C14orf93: variants seen among roughly 807,000 people sequenced by gnomAD.
The protein encoded by C14orf93 is uncharacterized protein C14orf93.
A neutral mutation model predicts 44.0 loss-of-function variants in C14orf93; 23 were observed. That is an observed-to-expected ratio of 0.52 (90% CI 0.38 to 0.74). The LOEUF is 0.74. Among genes scored for constraint, C14orf93 ranks in the 30% least tolerant of loss-of-function variants. The probability of loss-of-function intolerance (pLI) is 0.00; values close to 1 mark genes in which losing one functional copy is unlikely to be tolerated. For missense variants in C14orf93, 579 were observed against 678.9 expected (o/e 0.85, Z 1.64); for synonymous variants, 253 against 265.7 (o/e 0.95, Z 0.46).
intron 4 of C14orf93, 31 bp downstream of exon 4, chr14:22,990,035 T>G (rs772971724): frequency 2.5e-6 from 4 of 1,588,154 alleles, no homozygotes; most frequent in Non-Finnish European, 3.5e-6. Flanking sequence ...GCAAAGTACC[T>G]TCTAATTCTT....
At chr14:22,990,587 A>C (rs2045546477) in intron 3 of C14orf93, among the ~76,000 whole-genome samples, 1 of 150,482 alleles carries the variant, frequency 6.6e-6, no homozygotes, top group Non-Finnish European at 1.5e-5. Context: ...CTCCCGCCTC[A>C]GCCTCTCGAG....
intron 1 of C14orf93, among the ~76,000 whole-genome samples, chr14:23,007,634 G>C (rs2046694834): frequency 6.6e-6 from 1 of 152,128 alleles, no homozygotes; most frequent in Non-Finnish European, 1.5e-5. Flanking sequence ...ATATATGTGC[G>C]AGGAATTCTC....
intron 1 of C14orf93, chr14:23,002,852 C>A (rs892815678): frequency 5.3e-5 from 8 of 152,116 alleles, no homozygotes; most frequent in Admixed American, 3.3e-4. Flanking sequence ...CACCTTGATT[C>A]CTGATTCCCT....
Position 22,996,245 on chromosome 14 carries a change from A to C in C14orf93, c.621T>G (p.Ser207=), listed in dbSNP as rs752766332. 2.6e-6 allele frequency: 4 copies of C among 1,565,970 alleles called. No individual in the cohort carries two copies. Among genetic ancestry groups the C allele is most frequent in the Admixed American group, 3.7e-5 (2 of 54,740 alleles). The stretch of plus-strand genomic sequence containing the variant: ...CCAGAACTCGCTGTACTGCACCCTC[A>C]GAGGCCACGTAATCATCCACCAGCT... ...LNPLVDDYVA[S]EGAVQRVLVP... is the part of the protein sequence containing the mutation. Residue 207 remains serine (S), a synonymous_variant, in exon 3 of 7, where the codon TCT becomes TCG. Transcript: ENST00000299088. This position sits in a 1 kb window ranked among gnomAD's most constrained non-coding sequence, Gnocchi z 4.1.
chr14:23,001,099 A>G (rs187282621), intron 1 of C14orf93: 1 of 152,236 alleles, frequency 6.6e-6, no homozygotes, highest in Non-Finnish European at 1.5e-5. Context: ...TTCTATGTCA[A>G]TTTATAGATG....
chr14:22,999,596 CAT>C (rs1433157963), intron 1 of C14orf93, among the ~76,000 whole-genome samples, 194 bp from the exon 2 acceptor site: 3 of 152,106 alleles, frequency 2.0e-5, no homozygotes, highest in Non-Finnish European at 4.4e-5. Flanking sequence ...AGAGAAGAGA[CAT>C]GTGGAGAAGT....
At position 22,990,146 on chromosome 14, in the gene C14orf93, A is replaced by T; in HGVS notation, c.919-19T>A. ...CCAGTTTCTAGGAGGAAAAAAAGAA[A>T]ACACAATCAAGCCAAGAGTGGATGT... On this transcript the variant is annotated intron_variant, in intron 3 of 6. Coordinates refer to ENST00000299088, the MANE Select transcript of C14orf93 (RefSeq NM_021944.4). 1 of 1,605,798 alleles carries T rather than the reference A, an allele frequency of 6.2e-7. No individual in the cohort carries two copies.
At position 23,003,787 on chromosome 14, in the gene C14orf93, C is replaced by T. The variant is rs188872046; in HGVS notation, c.-379-4385G>A. On this transcript the variant is annotated intron_variant, in intron 1 of 6. Transcript: ENST00000299088. ...TTGCACACCAGCCTGGGAGACAGGG[C>T]GAGACTCCGGCTCAGAAAAAAAGAA... Among the ~76,000 whole-genome samples the T allele has an allele frequency of 1.2e-3, 153 of 128,326 alleles. 2 individuals are homozygous for T. In the East Asian group the frequency reaches 0.028, roughly 24 times the overall value. 84.2% of individuals were successfully genotyped at this position (128,326 alleles called of 152,430 possible).
In C14orf93 at chr14:22,999,082, G is replaced by T. The variant is rs1231231851; in HGVS notation, c.-59C>A. ...GCTGGGCCGCTCCAACAGGTAGGAA[G>T]CATCAACTTCTCTGGACTCACTTTC... is the stretch of plus-strand genomic sequence containing the variant. On this transcript the variant is annotated 5_prime_UTR_variant, in exon 2 of 7. Coordinates refer to ENST00000299088, the MANE Select transcript of C14orf93 (RefSeq NM_021944.4). 5.2e-6 allele frequency: 8 copies of T among 1,536,156 alleles called. No homozygotes were observed. The South Asian group carries it at 1.0e-4, about 19-fold the overall frequency.
chr14:22,999,197 T>A lies in C14orf93; in HGVS notation c.-174A>T. On this transcript the variant is annotated 5_prime_UTR_variant, in exon 2 of 7. Transcript: ENST00000299088. The stretch of plus-strand genomic sequence containing the variant: ...AAACAAGCCATGAAGAAGCACACAG[T>A]CCATGGCGGCCTCTCCTCGGCCTGC... 2 of 1,031,764 alleles carry A rather than the reference T, an allele frequency of 1.9e-6. No individual in the cohort carries two copies. The highest frequency in any genetic ancestry group is 3.0e-5 in the Admixed American group (1 of 33,802). The allele number at this position is 1,031,764 out of a possible 1,614,324, so 63.9% of individuals were successfully genotyped here.
chr14:22,998,908 T>G lies in C14orf93; in HGVS notation c.116A>C (p.Asn39Thr). The change falls in exon 2 of 7, where the codon AAT becomes ACT. Residue 39 changes from asparagine to threonine, a missense_variant. Transcript: ENST00000299088. ...NGGNTGSQGG[N>T]PPPSTPITVT... ...TGTGATGGGGGTGCTGGGAGGAGGA[T>G]TCCCACCCTGGGAGCCTGTGTTGCC... 1.2e-6 allele frequency: 2 copies of G among 1,613,246 alleles called. No homozygotes were observed. The highest frequency in any genetic ancestry group is 1.7e-6 in the Non-Finnish European group (2 of 1,179,766).
At chr14:22,995,210 ACT>A (rs1271737159) in intron 3 of C14orf93, among the ~76,000 whole-genome samples, 7 of 152,040 alleles carry the variant, frequency 4.6e-5, no homozygotes, top group African/African-American at 9.7e-5. Context: ...AGGTCTAGTG[ACT>A]CTCTGCATCT....
chr14:22,992,228 G>A (rs2045684243), intron 3 of C14orf93, among the ~76,000 whole-genome samples: 1 of 152,060 alleles, frequency 6.6e-6, no homozygotes, highest in African/African-American at 2.4e-5. Context: ...TACTTTGGGA[G>A]GCCAAGGCGG....
Position 22,998,773 on chromosome 14 carries a change from C to A in C14orf93, c.251G>T (p.Arg84Met). The A allele has an allele frequency of 6.2e-7, 1 of 1,614,194 alleles. No individual in the cohort carries two copies. Among genetic ancestry groups the A allele is most frequent in the Admixed American group, 1.7e-5 (1 of 60,026 alleles). ...GLAEAALGLA[R>M]ANNELLKRLQ... Reference sequence around the variant, plus strand: ...ACGTTTTAACAACTCATTGTTGGCCCTGGCAAGACCCAGAGCAGCTTCAGC... The same window carrying A: ...ACGTTTTAACAACTCATTGTTGGCCATGGCAAGACCCAGAGCAGCTTCAGC... Residue 84 changes from arginine (R) to methionine (M), a missense_variant, in exon 2 of 7, where the codon AGG becomes ATG. Transcript: ENST00000299088.
chr14:23,004,613 T>C (rs1776530071), intron 1 of C14orf93, among the ~76,000 whole-genome samples: 1 of 152,144 alleles, frequency 6.6e-6, no homozygotes, highest in Non-Finnish European at 1.5e-5. Flanking sequence ...GTTCTAAACA[T>C]GGACTATCTA....
At chr14:22,992,088 C>T (rs1302749595) in intron 3 of C14orf93, among the ~76,000 whole-genome samples, 1 of 152,214 alleles carries the variant, frequency 6.6e-6, no homozygotes. Context: ...AACAGGCTGT[C>T]TTTCCACTTT....
rs114951061 is a variant in C14orf93, at chr14:22,999,087, A to G, written c.-64T>C. On this transcript the variant is annotated 5_prime_UTR_variant, in exon 2 of 7. Coordinates refer to ENST00000299088, the MANE Select transcript of C14orf93 (RefSeq NM_021944.4). ...GCCGCTCCAACAGGTAGGAAGCATC[A>G]ACTTCTCTGGACTCACTTTCCTTTC... is the stretch of plus-strand genomic sequence containing the variant. The G allele has an allele frequency of 4.7e-4, 725 of 1,532,274 alleles. 3 individuals carry two copies. In the African/African-American group the frequency reaches 9.0e-3, roughly 19 times the overall value. The allele number at this position is 1,532,274 out of a possible 1,614,324, so 94.9% of individuals were successfully genotyped here.
At chr14:23,003,882 ATATATATATATATATATTT>A (rs2046454485) in intron 1 of C14orf93, among the ~76,000 whole-genome samples, 1 of 14,288 alleles carries the variant, frequency 7.0e-5, no homozygotes, top group Non-Finnish European at 1.2e-4. Flanking sequence ...ATATATATAT[ATATATATATATATATATTT>A]TTTTTTTTTT....
At position 22,987,832 on chromosome 14, in the gene C14orf93, G is replaced by GT; in HGVS notation, c.1197+70dup. The GT allele has an allele frequency of 7.5e-7, 1 of 1,336,658 alleles. No homozygotes were observed. The allele number at this position is 1,336,658 out of a possible 1,614,324, so 82.8% of individuals were successfully genotyped here. ...TCTCAACCCTATTCTCATATGCCAT[G>GT]TCCTCTGGCCCTTCCCACTTAGGAA... is the stretch of plus-strand genomic sequence containing the variant. On this transcript the variant is annotated intron_variant, in intron 6 of 6. Coordinates refer to ENST00000299088, the MANE Select transcript of C14orf93 (RefSeq NM_021944.4). The surrounding 1 kb of genome is among the most constrained non-coding windows in gnomAD (Gnocchi z 5.6).
Sources: allele counts gnomAD v4.1 joint callset (sites outside exome capture counted in the v4.1 genomes callset), GRCh38; gene constraint gnomAD v4.1.1; non-coding constraint Gnocchi (gnomAD v3.1); transcripts MANE v1.5; gene names NCBI Gene and HGNC (gene_info 2026-07-23, HGNC 2026-07-21).